NRXN1: variants seen among roughly 807,000 people sequenced by gnomAD.
The protein encoded by NRXN1 is neurexin-1.
Under a neutral mutation model 150.9 loss-of-function variants are expected in NRXN1, and 39 were observed. The observed-to-expected ratio is 0.26, with a 90% CI of 0.20 to 0.34. The LOEUF (loss-of-function observed/expected upper bound fraction) is 0.34. Among genes scored for constraint, NRXN1 ranks in the 10% least tolerant of loss-of-function variants. The pLI is 1.00. For synonymous variants in NRXN1, 924 were observed against 757.0 expected (o/e 1.22, Z -3.62); for missense variants, 1,815 against 1,949.9 (o/e 0.93, Z 1.30).
At chr2:50,203,760 G>A (rs1008563564) in intron 18 of NRXN1, among the ~76,000 whole-genome samples, 2 of 152,046 alleles carry the variant, frequency 1.3e-5, no homozygotes, top group African/African-American at 2.4e-5. Flanking sequence ...TTTCGAAATG[G>A]CATTTCAAAG....
At chr2:50,515,600 G>GGGGTGTGTGTGTGTGTGTGT (rs952552460) in intron 12 of NRXN1, among the ~76,000 whole-genome samples, 10 of 143,512 alleles carry the variant, frequency 7.0e-5, no homozygotes, top group African/African-American at 2.6e-4. Context: ...AAATGCTTGG[G>GGGGTGTGTGTGTGTGTGTGT]GTGTGTGTGT....
intron 18 of NRXN1, among the ~76,000 whole-genome samples, chr2:50,182,733 T>A (rs1222115117): frequency 6.6e-6 from 1 of 152,098 alleles, no homozygotes; most frequent in Non-Finnish European, 1.5e-5. Flanking sequence ...TAAAAATCTA[T>A]GTCTTTATAA....
chr2:50,291,212 G>A (rs1487750115), intron 17 of NRXN1, among the ~76,000 whole-genome samples: 2 of 150,914 alleles, frequency 1.3e-5, no homozygotes, highest in Non-Finnish European at 2.9e-5. Context: ...CCCACTTTCA[G>A]GAACTGAACA....
chr2:50,960,051 C>G (rs1326244929), intron 2 of NRXN1, among the ~76,000 whole-genome samples: 2 of 152,006 alleles, frequency 1.3e-5, no homozygotes, highest in Non-Finnish European at 2.9e-5. Context: ...TACTTTGACT[C>G]TTCCACTGTT....
chr2:50,093,049 G>A (rs1699791529), intron 18 of NRXN1, among the ~76,000 whole-genome samples: 1 of 151,842 alleles, frequency 6.6e-6, no homozygotes. Flanking sequence ...ATTAATTACT[G>A]AAAATGAGCA....
intron 5 of NRXN1, among the ~76,000 whole-genome samples, chr2:50,866,959 T>C (rs1291653299): frequency 1.3e-5 from 2 of 151,936 alleles, no homozygotes; most frequent in Admixed American, 6.6e-5. Context: ...GTTTCCATAA[T>C]ACTCTCTTAA....
At chr2:50,441,202 AG>A (rs2085920722) in intron 17 of NRXN1, among the ~76,000 whole-genome samples, 1 of 152,188 alleles carries the variant, frequency 6.6e-6, no homozygotes, top group Non-Finnish European at 1.5e-5. Flanking sequence ...GATTCAAAGT[AG>A]ATATTTTATC....
Position 50,236,845 on chromosome 2 carries a change from C to A in NRXN1, c.3490G>T (p.Val1164Leu), listed in dbSNP as rs201881725. ...IGFSTVQKEA[V>L]LVRVDSSSGL... ...GAAGAACTGTCCACTCGCACCAATA[C>A]GGCTTCTTTCTGAACAGTGCTAAAA... The change falls in exon 18 of 23, where the codon GTA becomes TTA. Residue 1164 changes from valine (V) to leucine (L), a missense_variant. This residue lies in a region of NRXN1 where 339 missense variants were observed against 440.3 expected (regional missense o/e 0.77). Transcript: ENST00000401669. 1 of 1,613,172 alleles carries A rather than the reference C, an allele frequency of 6.2e-7. No homozygotes were observed. Among genetic ancestry groups the A allele is most frequent in the African/African-American group, 1.3e-5 (1 of 74,862 alleles).
intron 2 of NRXN1, among the ~76,000 whole-genome samples, chr2:51,020,368 TCTTTA>T (rs1669415685): frequency 6.6e-6 from 1 of 151,998 alleles, no homozygotes; most frequent in Admixed American, 6.6e-5. Flanking sequence ...AACAATGTCC[TCTTTA>T]CTTAGCTTGT....
At chr2:50,163,164 G>GTATA (rs59163565) in intron 18 of NRXN1, among the ~76,000 whole-genome samples, 56,203 of 141,354 alleles carry the variant, frequency 0.4, 11,447 homozygotes, top group Middle Eastern at 0.46. Context: ...AATCCAAAAT[G>GTATA]TATATATATA....
chr2:50,222,609 A>C (rs1001807800), intron 18 of NRXN1, among the ~76,000 whole-genome samples: 4 of 151,952 alleles, frequency 2.6e-5, no homozygotes, highest in African/African-American at 9.7e-5. Context: ...TAATACTTAA[A>C]ATGCTGAAAA....
chr2:49,973,445 C>T (rs1280120550), intron 21 of NRXN1, among the ~76,000 whole-genome samples: 3 of 152,038 alleles, frequency 2.0e-5, no homozygotes, highest in African/African-American at 7.2e-5. Context: ...TTTACAAATG[C>T]TCATGAAAAT....
chr2:50,849,283 A>C (rs1448738532), intron 5 of NRXN1, among the ~76,000 whole-genome samples: 1 of 152,202 alleles, frequency 6.6e-6, no homozygotes, highest in African/African-American at 2.4e-5. Context: ...AAGAGGATTT[A>C]CTTTAGACCA....
intron 18 of NRXN1, among the ~76,000 whole-genome samples, chr2:50,218,728 A>C (rs1420771676): frequency 6.6e-6 from 1 of 151,952 alleles, no homozygotes; most frequent in Non-Finnish European, 1.5e-5. Flanking sequence ...AGGGGTTGGA[A>C]TACAAGTGAG....
chr2:50,998,753 G>A lies in NRXN1; in HGVS notation c.772+28749C>T, dbSNP rs547620106. On this transcript the variant is annotated intron_variant, in intron 2 of 22. Transcript: ENST00000401669. ...GTCAGTCAATTATTGATATTTCAAAGTATTTTATAAATTTTGGTACAACAC... is the reference window on the plus strand; with the variant it reads ...GTCAGTCAATTATTGATATTTCAAAATATTTTATAAATTTTGGTACAACAC... 4.6e-5 allele frequency among the ~76,000 whole-genome samples: 7 copies of A among 152,114 alleles called. No individual in the cohort carries two copies. The South Asian group carries it at 8.3e-4, about 18-fold the overall frequency.
chr2:50,432,392 T>C (rs1355162954), intron 17 of NRXN1: 14 of 152,222 alleles, frequency 9.2e-5, no homozygotes, highest in Admixed American at 9.2e-4. Flanking sequence ...CACGCACGTA[T>C]TTACATCTCT....
intron 17 of NRXN1, among the ~76,000 whole-genome samples, chr2:50,311,803 G>C (rs2075205178): frequency 6.6e-6 from 1 of 152,034 alleles, no homozygotes; most frequent in Admixed American, 6.6e-5. Flanking sequence ...ACTATCTGTG[G>C]TTCCTAACTG....
At chr2:50,554,124 A>G (rs561833090) in intron 8 of NRXN1, among the ~76,000 whole-genome samples, 2 of 152,246 alleles carry the variant, frequency 1.3e-5, no homozygotes, top group South Asian at 4.1e-4. Flanking sequence ...GCTAGACTCT[A>G]GATTTATTTA....
At chr2:50,044,171 T>C (rs748566579) in intron 21 of NRXN1, among the ~76,000 whole-genome samples, 1 of 152,192 alleles carries the variant, frequency 6.6e-6, no homozygotes, top group Non-Finnish European at 1.5e-5. Flanking sequence ...CATACTTTAC[T>C]CCATGTCGCA....
Sources: allele counts gnomAD v4.1 joint callset (sites outside exome capture counted in the v4.1 genomes callset), GRCh38; gene constraint gnomAD v4.1.1; regional missense constraint gnomAD v4.1.1; transcripts MANE v1.5; gene names NCBI Gene and HGNC (gene_info 2026-07-23, HGNC 2026-07-21).